Variants in RGS3 observed in about 807,000 individuals in gnomAD.
RGS3 encodes the protein regulator of G protein signaling 3.
A neutral mutation model predicts 132.6 loss-of-function variants in RGS3; 80 were observed. The ratio of observed to expected loss-of-function variants is 0.60; its 90% CI spans 0.50 to 0.73. The LOEUF (loss-of-function observed/expected upper bound fraction) is 0.73. Ranked by LOEUF, RGS3 falls within the 30% of genes least tolerant of loss-of-function variation. RGS3 has a pLI of 0.00. For missense variants in RGS3, 1,382 were observed against 1,530.8 expected, an observed-to-expected ratio of 0.90 and a Z score of 1.62; for synonymous variants, 598 against 620.6, an observed-to-expected ratio of 0.96 and a Z score of 0.54.
chr9:113,462,845 A>C (rs1217946899), intron 3 of RGS3, among the ~76,000 whole-genome samples: 1 of 152,196 alleles, frequency 6.6e-6, no homozygotes, highest in Non-Finnish European at 1.5e-5. Context: ...TCTGGGGAAC[A>C]GGGACAAATA....
intron 19 of RGS3, among the ~76,000 whole-genome samples, chr9:113,540,189 C>T (rs1832846082): frequency 6.6e-6 from 1 of 152,026 alleles, no homozygotes; most frequent in Non-Finnish European, 1.5e-5. Flanking sequence ...CCTGGGAATC[C>T]TTGTACTAAA....
chr9:113,467,722 T>G (rs981027118), intron 3 of RGS3, among the ~76,000 whole-genome samples: 6 of 152,284 alleles, frequency 3.9e-5, no homozygotes, highest in African/African-American at 1.2e-4. Flanking sequence ...AAACTTTTTT[T>G]GGGGATGGGG....
intron 17 of RGS3, among the ~76,000 whole-genome samples, chr9:113,525,148 G>T (rs995063637): frequency 2.7e-4 from 41 of 152,148 alleles, no homozygotes; most frequent in Non-Finnish European, 8.8e-5. Flanking sequence ...GTGTGTGTGT[G>T]CATGTGTCTG....
chr9:113,583,683 T>C (rs778293722), exon 20 of RGS3: 2 of 1,614,024 alleles, frequency 1.2e-6, no homozygotes, highest in East Asian at 2.2e-5. Context: ...CAGGCCCAGA[T>C]GCTCCGCCCA....
intron 14 of RGS3, among the ~76,000 whole-genome samples, chr9:113,509,151 G>A (rs1486787432): frequency 6.6e-6 from 1 of 151,972 alleles, no homozygotes; most frequent in Non-Finnish European, 1.5e-5. Context: ...TGGGCGTGGT[G>A]GTGTGCGCCA....
chr9:113,569,802 G>C (rs1320887008), intron 19 of RGS3, among the ~76,000 whole-genome samples: 2 of 152,120 alleles, frequency 1.3e-5, no homozygotes, highest in Non-Finnish European at 2.9e-5. Flanking sequence ...GGGTGGGGAG[G>C]GGGGTGCTGT....
intron 19 of RGS3, chr9:113,541,697 G>C (rs1330418075): frequency 1.9e-6 from 2 of 1,078,880 alleles, no homozygotes; most frequent in Admixed American, 5.4e-5. Context: ...GGAGGAGGAG[G>C]AGGAGGACAT....
intron 21 of RGS3, chr9:113,592,731 T>C (rs189834592): frequency 3.3e-5 from 5 of 152,144 alleles, no homozygotes; most frequent in Admixed American, 3.3e-4. Context: ...CAAGTGATCT[T>C]CCCGCCTCGG....
At chr9:113,588,289 A>G (rs982209011) in intron 20 of RGS3, among the ~76,000 whole-genome samples, 3 of 152,246 alleles carry the variant, frequency 2.0e-5, no homozygotes, top group Non-Finnish European at 4.4e-5. Context: ...TAAAAAGCCT[A>G]AAGAATTATT....
At chr9:113,595,828 C>T in intron 24 of RGS3, 63 bp downstream of exon 22, 1 of 1,560,828 alleles carries the variant, frequency 6.4e-7, no homozygotes, top group Non-Finnish European at 8.8e-7. Flanking sequence ...CCTTCAGCTG[C>T]AAGGTGGCAG....
At position 113,463,299 on chromosome 9, in the gene RGS3, C is replaced by T. The variant is rs1829519104; in HGVS notation, c.415+1098C>T. 6.6e-6 allele frequency among the ~76,000 whole-genome samples: 1 copy of T among 152,218 alleles called. No homozygotes were observed. Among genetic ancestry groups the T allele is most frequent in the Non-Finnish European group, 1.5e-5 (1 of 68,034 alleles). ...CAAGCGCAGAGAACACTTTTCCAAA[C>T]CTCACTGCCCTGGGCCATCGGGTGC... is the stretch of plus-strand genomic sequence containing the variant. On this transcript the variant is annotated intron_variant, in intron 3 of 24. Coordinates refer to ENST00000350696, the Ensembl canonical transcript of RGS3. This position sits in a 1 kb window ranked among gnomAD's most constrained non-coding sequence, Gnocchi z 4.6.
intron 10 of RGS3, among the ~76,000 whole-genome samples, chr9:113,502,340 A>G (rs1006613594): frequency 2.6e-5 from 4 of 152,188 alleles, no homozygotes; most frequent in African/African-American, 7.2e-5. Flanking sequence ...AATTGTCCTG[A>G]TTTTAAAAAA....
intron 19 of RGS3, among the ~76,000 whole-genome samples, chr9:113,543,844 G>A (rs1365122002): frequency 1.3e-5 from 2 of 152,196 alleles, no homozygotes; most frequent in East Asian, 3.8e-4. Context: ...TCCCAGGTCC[G>A]GCTGTTAGGG....
At chr9:113,510,873 T>C (rs770421911) in intron 14 of RGS3, among the ~76,000 whole-genome samples, 1 of 152,208 alleles carries the variant, frequency 6.6e-6, no homozygotes, top group Non-Finnish European at 1.5e-5. Context: ...TAGCTCACAA[T>C]TTTAGGATTC....
intron 19 of RGS3, among the ~76,000 whole-genome samples, chr9:113,563,605 G>A (rs1564574080): frequency 6.6e-6 from 1 of 152,166 alleles, no homozygotes; most frequent in South Asian, 2.1e-4. Context: ...CTTTTCAGGA[G>A]CCAGCAGGAT....
At chr9:113,520,358 A>T (rs1433765084) in intron 16 of RGS3, among the ~76,000 whole-genome samples, 1 of 152,058 alleles carries the variant, frequency 6.6e-6, no homozygotes, top group Admixed American at 6.5e-5. Context: ...CCTTTCCCTG[A>T]CCCAACCTTT....
intron 19 of RGS3, among the ~76,000 whole-genome samples, chr9:113,563,501 C>T (rs926055773): frequency 9.2e-5 from 14 of 152,212 alleles, no homozygotes; most frequent in African/African-American, 3.4e-4. Context: ...ATCCTAGAAA[C>T]CAGCCAGCCT....
intron 3 of RGS3, among the ~76,000 whole-genome samples, chr9:113,475,566 C>T (rs1048008430): frequency 1.8e-4 from 27 of 152,086 alleles, no homozygotes; most frequent in South Asian, 8.3e-4. Context: ...CCACGGTGCC[C>T]GGCTATTTTT....
intron 18 of RGS3, among the ~76,000 whole-genome samples, chr9:113,532,320 A>T (rs543304174): frequency 5.3e-5 from 8 of 152,174 alleles, no homozygotes; most frequent in Non-Finnish European, 8.8e-5. Flanking sequence ...ATTTAGGCAG[A>T]TGGGAATTCA....
Sources: allele counts gnomAD v4.1 joint callset (sites outside exome capture counted in the v4.1 genomes callset), GRCh38; gene constraint gnomAD v4.1.1; non-coding constraint Gnocchi (gnomAD v3.1); transcripts MANE v1.5; gene names NCBI Gene and HGNC (gene_info 2026-07-23, HGNC 2026-07-21).